The following ACAP3 variants were observed in gnomAD, a reference collection of about 807,000 sequenced individuals.
ACAP3 encodes the protein arf-GAP with coiled-coil, ANK repeat and PH domain-containing protein 3.
ACAP3 carries 56 observed loss-of-function variants against 104.1 expected under a neutral mutation model. That is an observed-to-expected ratio of 0.54 (90% CI 0.43 to 0.67). The LOEUF (loss-of-function observed/expected upper bound fraction) is 0.67. ACAP3 is among the 30% of genes least tolerant of loss of function. The pLI, the probability that ACAP3 is intolerant of heterozygous loss-of-function variation, is 0.00. For synonymous variants in ACAP3, 628 were observed against 496.2 expected, an observed-to-expected ratio of 1.27 and a Z score of -3.53; for missense variants, 1,208 against 1,174.9, an observed-to-expected ratio of 1.03 and a Z score of -0.41.
chr1:1,297,949 G>A lies in ACAP3; in HGVS notation c.1017-16C>T, dbSNP rs1210163630. 5 of 1,611,194 alleles carry A rather than the reference G, an allele frequency of 3.1e-6. No individual in the cohort carries two copies. The highest frequency in any genetic ancestry group is 2.2e-5 in the East Asian group (1 of 44,858). On this transcript the variant is annotated splice_polypyrimidine_tract_variant and intron_variant, in intron 13 of 23. Transcript: ENST00000354700. ...CATGCAGCTCCTGCAGGCAGTGGAG[G>A]GGCGGGCGTCAGCTCCGGTGGGCAG...
intron 5 of ACAP3, among the ~76,000 whole-genome samples, chr1:1,300,924 A>C (rs918736453): frequency 6.6e-6 from 1 of 152,146 alleles, no homozygotes; most frequent in Non-Finnish European, 1.5e-5. Flanking sequence ...GGCATGCGCC[A>C]CCAGGCCTAA....
At chr1:1,299,014 C>G (rs1188717826) in intron 10 of ACAP3, 4 of 556,340 alleles carry the variant, frequency 7.2e-6, no homozygotes, top group Non-Finnish European at 1.3e-5. Context: ...ATTCATGTGG[C>G]CAGCTGGGCG....
intron 10 of ACAP3, 148 bp downstream of exon 10, chr1:1,299,197 A>T (rs1570648061): frequency 9.4e-7 from 1 of 1,069,474 alleles, no homozygotes. Flanking sequence ...GGCCGGAGCC[A>T]GCCCCTCACA....
chr1:1,296,971 G>A (rs990218077), intron 14 of ACAP3, among the ~76,000 whole-genome samples: 3 of 152,250 alleles, frequency 2.0e-5, no homozygotes, highest in Admixed American at 6.5e-5. Context: ...ATGGGCAGAT[G>A]GTACCTGCAC....
rs1457531652 is a variant in ACAP3, at chr1:1,298,013, T to C, written c.1016A>G (p.Lys339Arg). The change falls in exon 13 of 24, where the codon AAG (lysine) becomes AGG (arginine). Residue 339 changes from lysine to arginine, a missense_variant and splice_region_variant. Physicochemically the swap from Lys to Arg is conservative, Grantham distance 26 (BLOSUM62 2). Coordinates refer to ENST00000354700, the MANE Select transcript of ACAP3 (RefSeq NM_030649.3). ...CCCACCCTGGGCTGGGCCTCCTCACTTGGTGGGTGACAGCACCTCGAAGCA... is the reference window on the plus strand; with the variant it reads ...CCCACCCTGGGCTGGGCCTCCTCACCTGGTGGGTGACAGCACCTCGAAGCA... Reference protein sequence around the residue: ...RFCFEVLSPTKSCMLQADSEK... With the variant: ...RFCFEVLSPTRSCMLQADSEK... 6.8e-6 allele frequency: 11 copies of C among 1,611,730 alleles called. No homozygotes were observed. The highest frequency in any genetic ancestry group is 9.3e-6 in the Non-Finnish European group (11 of 1,179,566).
intron 19 of ACAP3, 198 bp from the exon 20 acceptor site, chr1:1,295,014 G>A: frequency 5.0e-6 from 3 of 595,508 alleles, no homozygotes; most frequent in Non-Finnish European, 8.9e-6. Context: ...AAAGGTGCCA[G>A]GGGTAGCCCC....
intron 23 of ACAP3, 56 bp downstream of exon 23, chr1:1,293,767 G>GGCCCCGCCCCTGCCCTGGAC: frequency 7.2e-7 from 1 of 1,386,434 alleles, no homozygotes; most frequent in Non-Finnish European, 9.5e-7. Context: ...CTGCCCTGGA[G>GGCCCCGCCCCTGCCCTGGAC]GCCCCGCCCC....
At chr1:1,294,058 G>A (rs969214548) in intron 22 of ACAP3, 32 bp downstream of exon 22, 59 of 1,531,604 alleles carry the variant, frequency 3.9e-5, no homozygotes, top group Non-Finnish European at 5.2e-5. Context: ...CGTGGTCGGG[G>A]CACAGGGCGG....
At position 1,297,833 on chromosome 1, in the gene ACAP3, A is replaced by C; in HGVS notation, c.1117T>G (p.Cys373Gly). 1.2e-6 allele frequency: 2 copies of C among 1,611,354 alleles called. No homozygotes were observed. Among genetic ancestry groups the C allele is most frequent in the Non-Finnish European group, 8.5e-7 (1 of 1,179,072 alleles). The part of the protein sequence containing the change: ...ASAYRESPDS[C>G]YSERLDRTAS... Reference sequence around the variant, plus strand: ...ACCAAGGGCCACACCTCGCTATAGCAACTGTCAGGGCTCTCGCGGTAGGCG... The same window carrying C: ...ACCAAGGGCCACACCTCGCTATAGCCACTGTCAGGGCTCTCGCGGTAGGCG... The change falls in exon 14 of 24, where the codon TGC becomes GGC. Residue 373 changes from cysteine (C) to glycine (G), a missense_variant. Cys to Gly is a radical substitution (Grantham distance 159). Transcript: ENST00000354700.
In ACAP3 at chr1:1,294,200, C is replaced by A; in HGVS notation, c.2140-1G>T. The A allele has an allele frequency of 6.3e-7, 1 of 1,582,000 alleles. No homozygotes were observed. The highest frequency in any genetic ancestry group is 1.3e-5 in the African/African-American group (1 of 74,402). ...GGAACTCACAGACGATCAAGGAGCCCTGGGGAGCCGGGGCAACTCAGACGG... is the reference window on the plus strand; with the variant it reads ...GGAACTCACAGACGATCAAGGAGCCATGGGGAGCCGGGGCAACTCAGACGG... On this transcript the variant is annotated splice_acceptor_variant, in intron 21 of 23. Transcript: ENST00000354700. LOFTEE classifies it high-confidence loss of function.
At chr1:1,299,701 G>C (rs1641359436) in intron 9 of ACAP3, 130 bp downstream of exon 9, 1 of 1,114,156 alleles carries the variant, frequency 9.0e-7, no homozygotes, top group African/African-American at 1.6e-5. Flanking sequence ...TGGTCCCCTA[G>C]AGAGGGTGTG....
chr1:1,302,254 C>G (rs939307544), intron 4 of ACAP3, among the ~76,000 whole-genome samples: 7 of 152,184 alleles, frequency 4.6e-5, no homozygotes, highest in African/African-American at 1.7e-4. Flanking sequence ...CCCTGCCCCT[C>G]TGTCCCACCT....
rs767076905 is a variant in ACAP3 at position 1,293,917 on chromosome 1, G to A, written c.2266C>T (p.Leu756=). 2.5e-5 allele frequency: 40 copies of A among 1,578,794 alleles called. No homozygotes were observed. The highest frequency in any genetic ancestry group is 1.6e-4 in the Admixed American group (9 of 57,598). The change falls in exon 23 of 24, where the codon CTG becomes TTG. Residue 756 remains leucine, a synonymous_variant. Coordinates refer to ENST00000354700, the MANE Select transcript of ACAP3 (RefSeq NM_030649.3). ...GCGTGCTGGTCCGCGCCCCGCTTCA[G>A]GAACAGGCAAACCTGGCTGAGGGGC... The part of the protein sequence containing the change: ...LGRTGQVCLF[L]KRGADQHALD...
Position 1,293,477 on chromosome 1 carries a change from A to C in ACAP3, c.*87T>G. 3.2e-6 allele frequency: 4 copies of C among 1,262,082 alleles called. No individual in the cohort carries two copies. Among genetic ancestry groups the C allele is most frequent in the Non-Finnish European group, 1.0e-6 (1 of 997,434 alleles). The allele number at this position is 1,262,082 out of a possible 1,614,324, so 78.2% of individuals were successfully genotyped here. A position where few individuals can be genotyped will look rare whatever the true frequency, so the allele number is the denominator to read the frequency against. ...AGGTATCGACCCGCGGGTCACACGCAGGGCCGCGGCCGGGTGGGCGCCAGG... is the reference window on the plus strand; with the variant it reads ...AGGTATCGACCCGCGGGTCACACGCCGGGCCGCGGCCGGGTGGGCGCCAGG... On this transcript the variant is annotated 3_prime_UTR_variant, in exon 24 of 24. Transcript: ENST00000354700.
At chr1:1,300,838 C>G (rs1641411262) in intron 5 of ACAP3, 146 bp from the exon 6 acceptor site, 2 of 758,796 alleles carry the variant, frequency 2.6e-6, no homozygotes, top group South Asian at 1.9e-5. Flanking sequence ...ATGGTGCTGT[C>G]TCGGCTCACC....
chr1:1,294,253 C>G (rs1450601182), intron 21 of ACAP3, 54 bp from the exon 22 acceptor site: 1 of 1,530,946 alleles, frequency 6.5e-7, no homozygotes, highest in Non-Finnish European at 8.8e-7. Context: ...CTCTCCGCGC[C>G]TCTGCACCCT....
intron 1 of ACAP3, 49 bp from the exon 2 acceptor site, chr1:1,304,192 T>G: frequency 6.5e-7 from 1 of 1,547,382 alleles, no homozygotes; most frequent in Non-Finnish European, 8.7e-7. Context: ...CTCAGCCCCC[T>G]CGGGGCTTCA....
At chr1:1,294,007 G>A (rs1570625620) in intron 22 of ACAP3, 74 bp from the exon 23 acceptor site, 10 of 1,468,816 alleles carry the variant, frequency 6.8e-6, no homozygotes, top group Non-Finnish European at 9.0e-6. Context: ...GGCGTGGCCG[G>A]ATAGGGCATG....
chr1:1,298,155 C>G, intron 12 of ACAP3, 42 bp from the exon 13 acceptor site: 3 of 1,571,468 alleles, frequency 1.9e-6, no homozygotes, highest in Non-Finnish European at 2.6e-6. Flanking sequence ...CAGCCACCAC[C>G]CGGCCCCGAC....
Sources: allele counts gnomAD v4.1 joint callset (sites outside exome capture counted in the v4.1 genomes callset), GRCh38; gene constraint gnomAD v4.1.1; transcripts MANE v1.5; gene names NCBI Gene and HGNC (gene_info 2026-07-23, HGNC 2026-07-21).